Variants in CSMD3 observed in about 807,000 individuals in gnomAD.
The protein encoded by CSMD3 is CUB and Sushi multiple domains 3, also known as CUB and sushi domain-containing protein 3.
Under a neutral mutation model 435.2 loss-of-function variants are expected in CSMD3, and 177 were observed. The ratio of observed to expected loss-of-function variants is 0.41; its 90% CI spans 0.36 to 0.46. The LOEUF is 0.46. Ranked by LOEUF, CSMD3 falls within the 20% of genes least tolerant of loss-of-function variation. The pLI, the probability that CSMD3 is intolerant of heterozygous loss-of-function variation, is 0.34. For missense variants in CSMD3, 4,265 were observed against 4,504.6 expected (o/e 0.95, Z 1.52); for synonymous variants, 1,656 against 1,520.5 (o/e 1.09, Z -2.07).
At chr8:113,433,047 C>T (rs1341930663) in intron 1 of CSMD3, among the ~76,000 whole-genome samples, 1 of 152,114 alleles carries the variant, frequency 6.6e-6, no homozygotes, top group Non-Finnish European at 1.5e-5. Context: ...TGAGTATTCC[C>T]ACAGGAAATA....
At chr8:112,983,624 C>A (rs1403758992) in intron 6 of CSMD3, among the ~76,000 whole-genome samples, 1 of 150,662 alleles carries the variant, frequency 6.6e-6, no homozygotes, top group Non-Finnish European at 1.5e-5. Context: ...TCTTCCCTTA[C>A]AAAAATACTT....
chr8:113,373,110 G>A (rs1357173528), intron 1 of CSMD3, among the ~76,000 whole-genome samples: 3 of 152,000 alleles, frequency 2.0e-5, no homozygotes, highest in Non-Finnish European at 4.4e-5. Flanking sequence ...TAGTACCAAC[G>A]CCACTCTGAA....
Position 112,368,069 on chromosome 8 carries a change from G to T in CSMD3, c.6136+12283C>A, listed in dbSNP as rs565542901. Among the ~76,000 whole-genome samples the T allele has an allele frequency of 5.9e-5, 9 of 152,216 alleles. No homozygotes were observed. The South Asian group carries it at 1.9e-3, about 32-fold the overall frequency. On this transcript the variant is annotated intron_variant, in intron 38 of 70. Coordinates refer to ENST00000297405, the MANE Select transcript of CSMD3 (RefSeq NM_198123.2). ...CATGGCCATCAAATGGCAGCGTCAA[G>T]ATAGAAACCTGAGTCTGACTCCAGA... is the stretch of plus-strand genomic sequence containing the variant.
chr8:112,876,349 T>C (rs1425630016), intron 10 of CSMD3, among the ~76,000 whole-genome samples: 2 of 141,514 alleles, frequency 1.4e-5, no homozygotes, highest in Non-Finnish European at 3.0e-5. Flanking sequence ...ATCATCCTGA[T>C]ACCAAAACCT....
intron 3 of CSMD3, among the ~76,000 whole-genome samples, chr8:113,192,446 T>C (rs1483716643): frequency 6.6e-6 from 1 of 151,684 alleles, no homozygotes; most frequent in Non-Finnish European, 1.5e-5. Context: ...TCCTCTGCTT[T>C]ATAAAAAAGC....
chr8:112,591,943 A>G (rs910207597), intron 22 of CSMD3, among the ~76,000 whole-genome samples: 2 of 152,052 alleles, frequency 1.3e-5, no homozygotes, highest in Non-Finnish European at 2.9e-5. Context: ...GTGTCCCTAA[A>G]AAAGCAAAAA....
At chr8:113,254,698 A>C (rs7818333) in intron 3 of CSMD3, among the ~76,000 whole-genome samples, 3,249 of 152,316 alleles carry the variant, frequency 0.021, 131 homozygotes, top group African/African-American at 0.075. Flanking sequence ...ATGAAGTTGT[A>C]TATGCCTAAA....
intron 36 of CSMD3, among the ~76,000 whole-genome samples, chr8:112,385,280 T>G (rs753908349): frequency 3.3e-5 from 5 of 152,190 alleles, no homozygotes; most frequent in East Asian, 1.9e-4. Flanking sequence ...TAAATTATTG[T>G]CATAAGGGTA....
intron 38 of CSMD3, among the ~76,000 whole-genome samples, chr8:112,363,751 T>C (rs1827484439): frequency 6.6e-6 from 1 of 152,010 alleles, no homozygotes; most frequent in Non-Finnish European, 1.5e-5. Context: ...CTGTGATAAA[T>C]CTGTAAGGGC....
At chr8:112,633,528 A>G (rs1283427329) in intron 22 of CSMD3, among the ~76,000 whole-genome samples, 1 of 152,098 alleles carries the variant, frequency 6.6e-6, no homozygotes, top group Non-Finnish European at 1.5e-5. Flanking sequence ...AGAATTTTTC[A>G]TAGATGTAAA....
At chr8:112,969,307 C>T (rs1453296298) in intron 7 of CSMD3, among the ~76,000 whole-genome samples, 4 of 151,940 alleles carry the variant, frequency 2.6e-5, no homozygotes, top group South Asian at 2.1e-4. Flanking sequence ...ATTAAAATTG[C>T]TCACCTAAAA....
At chr8:113,053,106 C>A (rs1355343121) in intron 5 of CSMD3, among the ~76,000 whole-genome samples, 1 of 152,096 alleles carries the variant, frequency 6.6e-6, no homozygotes, top group Non-Finnish European at 1.5e-5. Flanking sequence ...TCACTACCAA[C>A]CCAACACACC....
At chr8:112,294,214 T>C (rs1820044112) in intron 54 of CSMD3, among the ~76,000 whole-genome samples, 1 of 152,100 alleles carries the variant, frequency 6.6e-6, no homozygotes, top group Non-Finnish European at 1.5e-5. Context: ...AGAATTTCTA[T>C]ACGTTTCTGT....
chr8:113,312,563 A>AT (rs2093877740), intron 2 of CSMD3: 1 of 152,206 alleles, frequency 6.6e-6, no homozygotes, highest in Non-Finnish European at 1.5e-5. Flanking sequence ...GAAAAATAAA[A>AT]ATGTGTTTTC....
At chr8:112,761,822 G>A (rs965264753) in intron 13 of CSMD3, among the ~76,000 whole-genome samples, 2 of 151,976 alleles carry the variant, frequency 1.3e-5, no homozygotes, top group African/African-American at 2.4e-5. Flanking sequence ...ATGTGTATGT[G>A]TATGTGCATG....
intron 13 of CSMD3, among the ~76,000 whole-genome samples, chr8:112,755,371 A>AATG (rs2077673791): frequency 6.7e-6 from 1 of 149,256 alleles, no homozygotes; most frequent in Non-Finnish European, 1.5e-5. Flanking sequence ...TAATAATAAT[A>AATG]ATGAGGGCGA....
chr8:112,226,308 T>C (rs1032065393), intron 70 of CSMD3, among the ~76,000 whole-genome samples: 3 of 152,162 alleles, frequency 2.0e-5, no homozygotes, highest in African/African-American at 7.2e-5. Context: ...AGCAACATCA[T>C]TGCCTTCTAA....
intron 3 of CSMD3, among the ~76,000 whole-genome samples, chr8:113,213,021 C>T (rs756914959): frequency 1.8e-4 from 28 of 151,456 alleles, no homozygotes; most frequent in Non-Finnish European, 3.2e-4. Flanking sequence ...CAGCTGTTGA[C>T]TATAACAATT....
chr8:112,996,535 T>G (rs1005629828), intron 6 of CSMD3, among the ~76,000 whole-genome samples: 1 of 151,714 alleles, frequency 6.6e-6, no homozygotes, highest in African/African-American at 2.4e-5. Context: ...AACATATACA[T>G]GTAAAATTCC....
Sources: allele counts gnomAD v4.1 joint callset (sites outside exome capture counted in the v4.1 genomes callset), GRCh38; gene constraint gnomAD v4.1.1; transcripts MANE v1.5; gene names NCBI Gene and HGNC (gene_info 2026-07-23, HGNC 2026-07-21).